Variants in TEKT5 observed in about 807,000 individuals in gnomAD.
The protein encoded by TEKT5 is tektin-5.
In TEKT5, 52 loss-of-function variants were observed where a neutral mutation model predicts 48.7. The ratio of observed to expected loss-of-function variants is 1.07; its 90% CI spans 0.86 to 1.35. The LOEUF is 1.35. Ranked by LOEUF, TEKT5 falls within the 40% of genes most tolerant of loss-of-function variation. The pLI is 0.00. For synonymous variants in TEKT5, 318 were observed against 267.6 expected (o/e 1.19, Z -1.84); for missense variants, 831 against 641.6 (o/e 1.30, Z -3.19).
Position 10,682,028 on chromosome 16 carries a change from G to T in TEKT5, c.828C>A (p.Ile276=). The change falls in exon 4 of 7, where the codon ATC becomes ATA. Residue 276 remains isoleucine (I), a synonymous_variant. Transcript: ENST00000283025. ...CFNLRNTSDC[I]SFFHGMEKID... ...TTTTCTCCATGCCGTGGAAGAAGCT[G>T]ATGCAGTCTGACGTATTTCTCAGGT... 3.1e-6 allele frequency: 5 copies of T among 1,614,178 alleles called. No homozygotes were observed. Among genetic ancestry groups the T allele is most frequent in the Non-Finnish European group, 4.2e-6 (5 of 1,180,018 alleles).
At chr16:10,692,629 G>C (rs1459180368) in intron 1 of TEKT5, 1 of 152,224 alleles carries the variant, frequency 6.6e-6, no homozygotes, top group Non-Finnish European at 1.5e-5. Flanking sequence ...GTCCATGAGA[G>C]TGCTGGCTAA....
intron 3 of TEKT5, among the ~76,000 whole-genome samples, chr16:10,688,585 G>T (rs1898906940): frequency 6.6e-6 from 1 of 152,240 alleles, no homozygotes; most frequent in Non-Finnish European, 1.5e-5. Context: ...TGCCCTGAAA[G>T]AGTCAAAGGT....
chr16:10,656,904 C>T (rs567519769), intron 5 of TEKT5, among the ~76,000 whole-genome samples: 41 of 151,760 alleles, frequency 2.7e-4, no homozygotes, highest in African/African-American at 9.4e-4. Flanking sequence ...CCATGCCTGG[C>T]TAATTTATTA....
rs1295766967 is a variant in TEKT5 at position 10,694,813 on chromosome 16, A to C, written c.61T>G (p.Leu21Val). ...GCCTGTACAGCTGGCAGTGAGGTCA[A>C]GCCACAGCATTTCTTGGGACCACAG... Reference protein sequence around the residue: ...SYCGPKKCCGLTSLPAVQAPV... With the variant: ...SYCGPKKCCGVTSLPAVQAPV... The change falls in exon 1 of 7, where the codon TTG (leucine) becomes GTG (valine). Residue 21 changes from leucine to valine, a missense_variant. Physicochemically the swap from Leu to Val is conservative, Grantham distance 32. Coordinates refer to ENST00000283025, the MANE Select transcript of TEKT5 (RefSeq NM_144674.2). The C allele has an allele frequency of 2.5e-6, 4 of 1,608,522 alleles. No homozygotes were observed. The African/African-American group carries it at 5.4e-5, about 22-fold the overall frequency.
intron 4 of TEKT5, among the ~76,000 whole-genome samples, chr16:10,677,929 T>C (rs1392527265): frequency 3.3e-5 from 5 of 152,116 alleles, no homozygotes; most frequent in Non-Finnish European, 7.4e-5. Context: ...GGGAGATCAA[T>C]GGACATGGAC....
At chr16:10,659,377 A>T (rs1898320979) in intron 5 of TEKT5, among the ~76,000 whole-genome samples, 1 of 152,068 alleles carries the variant, frequency 6.6e-6, no homozygotes, top group Non-Finnish European at 1.5e-5. Flanking sequence ...TACCTTATTT[A>T]TTTATTTATT....
chr16:10,656,377 G>A (rs1290790142), intron 5 of TEKT5, among the ~76,000 whole-genome samples: 2 of 151,920 alleles, frequency 1.3e-5, no homozygotes, highest in East Asian at 3.9e-4. Context: ...TCAGCCTCCT[G>A]AGTACCTGGG....
intron 4 of TEKT5, among the ~76,000 whole-genome samples, chr16:10,677,840 G>C (rs573468218): frequency 1.3e-5 from 2 of 148,256 alleles, no homozygotes; most frequent in East Asian, 3.9e-4. Context: ...GAAACCAAAG[G>C]ACAGAGAGCC....
chr16:10,688,309 G>A (rs1203570514), intron 3 of TEKT5, among the ~76,000 whole-genome samples: 1 of 152,204 alleles, frequency 6.6e-6, no homozygotes, highest in Non-Finnish European at 1.5e-5. Context: ...GCTTGCCTGC[G>A]ATGTCTTTCT....
intron 5 of TEKT5, among the ~76,000 whole-genome samples, chr16:10,665,466 T>A (rs2142290736): frequency 6.6e-6 from 1 of 152,304 alleles, no homozygotes; most frequent in Non-Finnish European, 1.5e-5. Context: ...CAGTCTCGTT[T>A]GTGCTGCCCT....
chr16:10,639,805 C>A (rs1897964825), intron 5 of TEKT5, among the ~76,000 whole-genome samples: 1 of 152,180 alleles, frequency 6.6e-6, no homozygotes. Context: ...TTGGGTCCCC[C>A]AATCAGAGTG....
At chr16:10,671,887 C>A (rs1444861559) in intron 5 of TEKT5, 2 of 152,192 alleles carry the variant, frequency 1.3e-5, no homozygotes, top group African/African-American at 4.8e-5. Flanking sequence ...AACCTGCCCC[C>A]ATGGTTCAAT....
At chr16:10,641,414 C>A (rs1897993427) in intron 5 of TEKT5, among the ~76,000 whole-genome samples, 1 of 152,120 alleles carries the variant, frequency 6.6e-6, no homozygotes. Flanking sequence ...CTGGTATTTC[C>A]AAGGGAGAGG....
intron 5 of TEKT5, among the ~76,000 whole-genome samples, chr16:10,661,765 G>T (rs947115778): frequency 1.1e-4 from 17 of 152,146 alleles, no homozygotes; most frequent in Admixed American, 4.6e-4. Flanking sequence ...GAGAGGTTGG[G>T]GAGCCACCAG....
At chr16:10,646,724 G>A (rs188546765) in intron 5 of TEKT5, among the ~76,000 whole-genome samples, 259 of 152,312 alleles carry the variant, frequency 1.7e-3, no homozygotes, top group African/African-American at 5.9e-3. Flanking sequence ...GAGTCAAGAC[G>A]AGAAGCTGGG....
At chr16:10,669,592 A>G (rs1227685308) in intron 5 of TEKT5, among the ~76,000 whole-genome samples, 5 of 152,230 alleles carry the variant, frequency 3.3e-5, no homozygotes, top group African/African-American at 1.2e-4. Flanking sequence ...TATTAATGCT[A>G]TATCCATGTA....
At chr16:10,658,866 C>T (rs895389262) in intron 5 of TEKT5, among the ~76,000 whole-genome samples, 18 of 152,024 alleles carry the variant, frequency 1.2e-4, no homozygotes, top group African/African-American at 3.1e-4. Context: ...TACAGGCATG[C>T]GCCACCACAC....
intron 6 of TEKT5, among the ~76,000 whole-genome samples, chr16:10,629,221 G>A (rs1431847807): frequency 6.6e-6 from 1 of 151,914 alleles, no homozygotes; most frequent in East Asian, 1.9e-4. Context: ...TGTCACTGAT[G>A]GTAAATTTTG....
intron 5 of TEKT5, among the ~76,000 whole-genome samples, chr16:10,673,794 G>A (rs926929384): frequency 5.9e-5 from 9 of 151,608 alleles, no homozygotes; most frequent in African/African-American, 9.7e-5. Flanking sequence ...GGAATTACAG[G>A]TGCATGCCAC....
Sources: allele counts gnomAD v4.1 joint callset (sites outside exome capture counted in the v4.1 genomes callset), GRCh38; gene constraint gnomAD v4.1.1; transcripts MANE v1.5; gene names NCBI Gene and HGNC (gene_info 2026-07-23, HGNC 2026-07-21).